Variants in PRKAG2 observed in about 807,000 individuals in gnomAD.
The protein encoded by PRKAG2 is protein kinase AMP-activated non-catalytic subunit gamma 2.
In PRKAG2, 26 loss-of-function variants were observed where a neutral mutation model predicts 69.6. The ratio of observed to expected loss-of-function variants is 0.37; its 90% confidence interval spans 0.27 to 0.52. The LOEUF (loss-of-function observed/expected upper bound fraction) is 0.52, where lower values mean the gene tolerates loss of function less well. Ranked by LOEUF, PRKAG2 falls within the 20% of genes least tolerant of loss-of-function variation. The pLI is 0.90. For synonymous variants in PRKAG2, 293 were observed against 285.0 expected (o/e 1.03, Z -0.28); for missense variants, 557 against 740.0 (o/e 0.75, Z 2.87).
At chr7:151,613,656 C>T (rs912145772) in intron 5 of PRKAG2, among the ~76,000 whole-genome samples, 1 of 151,672 alleles carries the variant, frequency 6.6e-6, no homozygotes, top group African/African-American at 2.4e-5. Context: ...CACCACCACG[C>T]CTGGCTAATT....
At chr7:151,566,189 A>C (rs1305105308) in intron 11 of PRKAG2, among the ~76,000 whole-genome samples, 5 of 152,222 alleles carry the variant, frequency 3.3e-5, no homozygotes, top group Non-Finnish European at 7.3e-5. Flanking sequence ...GAACAGGTCT[A>C]TTTGGGATAT....
chr7:151,659,319 A>G (rs1345811044), intron 4 of PRKAG2, among the ~76,000 whole-genome samples: 2 of 152,228 alleles, frequency 1.3e-5, no homozygotes, highest in Non-Finnish European at 2.9e-5. Context: ...TTTCTCAGAA[A>G]AATAGAAAAT....
At chr7:151,714,535 G>A (rs1018927432) in intron 3 of PRKAG2, among the ~76,000 whole-genome samples, 1 of 151,318 alleles carries the variant, frequency 6.6e-6, no homozygotes, top group African/African-American at 2.4e-5. Flanking sequence ...TGGTGGCCTT[G>A]CCCTTCGTGT....
At chr7:151,813,560 G>A (rs562811336) in intron 1 of PRKAG2, among the ~76,000 whole-genome samples, 1 of 151,630 alleles carries the variant, frequency 6.6e-6, no homozygotes, top group African/African-American at 2.4e-5. Flanking sequence ...GGCGACAAGA[G>A]GGATGCTGGG....
chr7:151,876,766 G>A lies in PRKAG2; in HGVS notation c.-146C>T. 1 of 809,016 alleles carries A rather than the reference G, an allele frequency of 1.2e-6. No individual in the cohort carries two copies. Among genetic ancestry groups the A allele is most frequent in the Non-Finnish European group, 2.0e-6 (1 of 493,164 alleles). 50.1% of individuals were successfully genotyped at this position (809,016 alleles called of 1,614,324 possible). On this transcript the variant is annotated 5_prime_UTR_variant, in exon 1 of 16. Transcript: ENST00000287878. ...GGGGACTTCCGCGGAGAGGGAGGGT[G>A]AGCAGGGAACTCGCGCGGCCGCCGC... is the stretch of plus-strand genomic sequence containing the variant.
chr7:151,559,899 T>A (rs1804526858), intron 15 of PRKAG2: 1 of 985,198 alleles, frequency 1.0e-6, no homozygotes, highest in South Asian at 4.7e-5. Flanking sequence ...AGCCCACCTC[T>A]TACTACTGAG....
At chr7:151,621,982 T>C (rs1043258047) in intron 5 of PRKAG2, among the ~76,000 whole-genome samples, 1 of 152,244 alleles carries the variant, frequency 6.6e-6, no homozygotes, top group Non-Finnish European at 1.5e-5. Context: ...TGAACAGACT[T>C]GACAAAGGTT....
At chr7:151,694,265 C>T (rs934802026) in intron 3 of PRKAG2, among the ~76,000 whole-genome samples, 1 of 152,194 alleles carries the variant, frequency 6.6e-6, no homozygotes, top group Non-Finnish European at 1.5e-5. Context: ...TTTGTTGATC[C>T]AAACAGTCCA....
chr7:151,795,871 ATATATATATATATATAT>A (rs1563689566), intron 1 of PRKAG2, among the ~76,000 whole-genome samples: 1 of 114,178 alleles, frequency 8.8e-6, no homozygotes, highest in African/African-American at 3.6e-5. Context: ...ATATATATAT[ATATATATATATATATAT>A]ATCACGATAA....
chr7:151,617,155 G>A (rs1161456087), intron 5 of PRKAG2, among the ~76,000 whole-genome samples: 2 of 151,610 alleles, frequency 1.3e-5, no homozygotes, highest in Non-Finnish European at 2.9e-5. Context: ...AAGCTATTTG[G>A]GGAGGCTGAG....
chr7:151,855,317 C>G (rs757896269), intron 1 of PRKAG2, among the ~76,000 whole-genome samples: 2 of 6,680 alleles, frequency 3.0e-4, no homozygotes, highest in African/African-American at 7.2e-4. Flanking sequence ...CACACACCAC[C>G]CTCCCACACA....
At chr7:151,617,291 G>C (rs1563266862) in intron 5 of PRKAG2, among the ~76,000 whole-genome samples, 1 of 98,064 alleles carries the variant, frequency 1.0e-5, no homozygotes, top group East Asian at 4.0e-4. Context: ...AAAGAGGGAG[G>C]GGGGGAGGGA....
chr7:151,640,768 G>T (rs1395343691), intron 4 of PRKAG2, among the ~76,000 whole-genome samples: 1 of 152,024 alleles, frequency 6.6e-6, no homozygotes, highest in African/African-American at 2.4e-5. Flanking sequence ...TAACACACTG[G>T]CTTGGGATTT....
In PRKAG2 at chr7:151,855,351, CCA is replaced by C. The variant is rs1339598192; in HGVS notation, c.114+21154_114+21155del. Reference sequence around the variant, plus strand: ...CACCGCCCTCCACACACACCATGCTCCACACACACCGCCCTCCACACACACCG... The same window carrying C: ...CACCGCCCTCCACACACACCATGCTCCACACACCGCCCTCCACACACACCG... On this transcript the variant is annotated intron_variant, in intron 1 of 15. Transcript: ENST00000287878. 2.7e-4 allele frequency among the ~76,000 whole-genome samples: 10 copies of C among 36,860 alleles called. 1 individual carries two copies. The highest frequency in any genetic ancestry group is 3.6e-4 in the Non-Finnish European group (7 of 19,682). 24.2% of individuals were successfully genotyped at this position (36,860 alleles called of 152,430 possible).
At chr7:151,641,873 A>T (rs985147451) in intron 4 of PRKAG2, among the ~76,000 whole-genome samples, 1 of 152,006 alleles carries the variant, frequency 6.6e-6, no homozygotes, top group Admixed American at 6.6e-5. Flanking sequence ...ATTTGAAAAA[A>T]ATCTCAAATA....
At chr7:151,806,567 G>A (rs2078113497) in intron 1 of PRKAG2, 1 of 173,600 alleles carries the variant, frequency 5.8e-6, no homozygotes, top group African/African-American at 2.4e-5. Context: ...CCAGGAGTGA[G>A]TGACTAAATG....
intron 3 of PRKAG2, among the ~76,000 whole-genome samples, chr7:151,725,861 T>C (rs2536069): frequency 0.24 from 36,272 of 152,002 alleles, 4,516 homozygotes; most frequent in South Asian, 0.4. Context: ...CACCTCGAAA[T>C]CCCGGTGGCT....
In PRKAG2 at chr7:151,781,276, C is replaced by A; in HGVS notation, c.342G>T (p.Pro114=). ...AGCTCATGCGTCGAGGGGAGCGTGG[C>A]GGGGACTCCTGGTAGGAGAACGGGA... The part of the protein sequence containing the change: ...TVFPFSYQES[P]PRSPRRMSFS... Residue 114 remains proline (P), a synonymous_variant, in exon 3 of 16, where the codon CCG becomes CCT. Transcript: ENST00000287878. The surrounding 1 kb of genome is among the most constrained non-coding windows in gnomAD (Gnocchi z 6.1). 6.2e-7 allele frequency: 1 copy of A among 1,613,984 alleles called. No homozygotes were observed. Among genetic ancestry groups the A allele is most frequent in the Non-Finnish European group, 8.5e-7 (1 of 1,180,002 alleles).
intron 3 of PRKAG2, among the ~76,000 whole-genome samples, chr7:151,690,564 A>G (rs566981464): frequency 6.6e-6 from 1 of 152,364 alleles, no homozygotes; most frequent in African/African-American, 2.4e-5. Context: ...GAAGGACAGG[A>G]CCAGGGTTCC....
Sources: gnomAD v4.1 joint callset for allele counts (sites outside exome capture counted in the v4.1 genomes callset) on GRCh38, gnomAD v4.1.1 for gene constraint, Gnocchi (gnomAD v3.1) non-coding constraint, MANE v1.5 for transcripts, NCBI Gene and HGNC (gene_info 2026-07-23, HGNC 2026-07-21) for gene names.